Variants in PDIA6 observed in about 807,000 individuals in gnomAD.
The protein encoded by PDIA6 is protein disulfide isomerase family A member 6.
PDIA6 carries 29 observed loss-of-function variants against 58.4 expected under a neutral mutation model. The ratio of observed to expected loss-of-function variants is 0.50; its 90% CI spans 0.37 to 0.68. The LOEUF is 0.68. Among genes scored for constraint, PDIA6 ranks in the 30% least tolerant of loss-of-function variants. The probability of loss-of-function intolerance (pLI) is 0.00; values close to 1 mark genes in which losing one functional copy is unlikely to be tolerated. For synonymous variants in PDIA6, 192 were observed against 202.6 expected (o/e 0.95, Z 0.44); for missense variants, 480 against 551.0 (o/e 0.87, Z 1.29).
At chr2:10,790,282 T>A (rs1031644035) in intron 7 of PDIA6, among the ~76,000 whole-genome samples, 3 of 152,142 alleles carry the variant, frequency 2.0e-5, no homozygotes, top group African/African-American at 4.8e-5. Context: ...TATAGGTAAT[T>A]TAATGTAACA....
In PDIA6 at chr2:10,802,598, T is replaced by C; in HGVS notation, c.62A>G (p.Tyr21Cys). 2 of 1,492,530 alleles carry C rather than the reference T, an allele frequency of 1.3e-6. No individual in the cohort carries two copies. The highest frequency in any genetic ancestry group is 1.4e-5 in the South Asian group (1 of 69,294). The allele number at this position is 1,492,530 out of a possible 1,614,324, so 92.5% of individuals were successfully genotyped here. Reference protein sequence around the residue: ...CTFFLAVNGLYSSSDDVIELT... With the variant: ...CTFFLAVNGLCSSSDDVIELT... Reference sequence around the variant, plus strand: ...TTCGATCACATCATCACTAGAGGAATACAGACCATTCACTGCCAGAAAGAA... The same window carrying C: ...TTCGATCACATCATCACTAGAGGAACACAGACCATTCACTGCCAGAAAGAA... Residue 21 changes from tyrosine to cysteine, a missense_variant, in exon 2 of 13, where the codon TAT becomes TGT. Coordinates refer to ENST00000272227, the MANE Select transcript of PDIA6 (RefSeq NM_005742.4).
chr2:10,836,488 A>G (rs1667834550), upstream of PDIA6, among the ~76,000 whole-genome samples: 1 of 151,650 alleles, frequency 6.6e-6, no homozygotes, highest in Non-Finnish European at 1.5e-5. Flanking sequence ...GCTGAGATTA[A>G]AGGCATGAGC....
At chr2:10,837,452 G>A (rs1667851057), upstream of PDIA6, 8 of 661,424 alleles carry the variant, frequency 1.2e-5, no homozygotes, top group South Asian at 1.3e-4. Context: ...AAAAAAATAA[G>A]ATGAAGCCAG....
chr2:10,793,933 G>T (rs1217523144), intron 4 of PDIA6, among the ~76,000 whole-genome samples: 3 of 152,046 alleles, frequency 2.0e-5, no homozygotes, highest in Non-Finnish European at 4.4e-5. Flanking sequence ...TTTCTATCTT[G>T]CTTGAAACAG....
At position 10,826,646 on chromosome 2, in the gene PDIA6, C is replaced by T. The variant is rs201985909; in HGVS notation, c.-48+5556G>A. 3.3e-5 allele frequency among the ~76,000 whole-genome samples: 5 copies of T among 152,284 alleles called. No individual in the cohort carries two copies. The East Asian group carries it at 9.7e-4, about 29-fold the overall frequency. On this transcript the variant is annotated intron_variant, in intron 1 of 13. Transcript: ENST00000381611. ...AAGTGCTGGGATTACAGGCGTGAGC[C>T]GCTGTGCCAGGTCGAATTATACGCT...
chr2:10,821,676 G>A (rs1470042002), intron 1 of PDIA6, among the ~76,000 whole-genome samples: 1 of 152,012 alleles, frequency 6.6e-6, no homozygotes, highest in African/African-American at 2.4e-5. Context: ...CCAGACTGGA[G>A]TGCAGTGACG....
intron 4 of PDIA6, among the ~76,000 whole-genome samples, chr2:10,793,670 CTCT>C (rs1295684015): frequency 6.6e-6 from 1 of 152,148 alleles, no homozygotes; most frequent in Admixed American, 6.5e-5. Flanking sequence ...AGCCCGATTT[CTCT>C]TCTTAAGTTT....
chr2:10,790,657 T>C, intron 7 of PDIA6, 62 bp downstream of exon 7: 5 of 1,188,866 alleles, frequency 4.2e-6, no homozygotes, highest in East Asian at 2.3e-5. Context: ...GCCTGGAGTA[T>C]TGGAAGAAGT....
chr2:10,806,670 T>C (rs917724854), intron 1 of PDIA6, among the ~76,000 whole-genome samples: 1 of 105,510 alleles, frequency 9.5e-6, no homozygotes, highest in Admixed American at 9.5e-5. Flanking sequence ...TAAATTAAGG[T>C]TAATCTATTA....
At chr2:10,811,733 C>A (rs1351257927) in intron 1 of PDIA6, among the ~76,000 whole-genome samples, 1 of 152,176 alleles carries the variant, frequency 6.6e-6, no homozygotes, top group East Asian at 1.9e-4. Flanking sequence ...AGGACAGGAC[C>A]CTCGGCCTCG....
intron 1 of PDIA6, among the ~76,000 whole-genome samples, chr2:10,822,190 C>T (rs1387517294): frequency 1.3e-5 from 2 of 152,074 alleles, no homozygotes; most frequent in Admixed American, 6.6e-5. Context: ...CAGCCTACCT[C>T]GGCCTGCTAG....
rs773970649 is a variant in PDIA6 at position 10,789,909 on chromosome 2, G to A, written c.700-20C>T. On this transcript the variant is annotated intron_variant, in intron 7 of 12. Coordinates refer to ENST00000272227, the MANE Select transcript of PDIA6 (RefSeq NM_005742.4). ...TCTAATCTATTAAAAAAAGGTCAGA[G>A]GATAAAATCCAATTAACACTTAATG... 44 of 1,601,244 alleles carry A rather than the reference G, an allele frequency of 2.7e-5. No homozygotes were observed. Among genetic ancestry groups the A allele is most frequent in the Non-Finnish European group, 2.6e-6 (3 of 1,170,762 alleles).
chr2:10,797,048 CA>C, intron 4 of PDIA6, 32 bp downstream of exon 4: 1 of 1,603,594 alleles, frequency 6.2e-7, no homozygotes, highest in Non-Finnish European at 8.5e-7. Flanking sequence ...TCTTGTCTAC[CA>C]GGGGAATGAA....
At chr2:10,831,075 G>A (rs571069464) in intron 1 of PDIA6, among the ~76,000 whole-genome samples, 7 of 152,320 alleles carry the variant, frequency 4.6e-5, no homozygotes, top group Middle Eastern at 3.4e-3. Flanking sequence ...GCTTCCAGCC[G>A]CTGGTGAGAC....
chr2:10,818,623 C>T (rs545043369), intron 2 of PDIA6, among the ~76,000 whole-genome samples: 14 of 151,628 alleles, frequency 9.2e-5, no homozygotes, highest in East Asian at 1.9e-4. Context: ...TGGGTTCAAG[C>T]GATTCTCCTT....
chr2:10,813,153 G>A (rs6737184), upstream of PDIA6, among the ~76,000 whole-genome samples: 781 of 151,936 alleles, frequency 5.1e-3, 9 homozygotes, highest in African/African-American at 0.018. Flanking sequence ...TCTTTATCCC[G>A]GGGGAGCGTG....
intron 12 of PDIA6, 44 bp downstream of exon 12, chr2:10,784,890 A>T: frequency 7.3e-7 from 1 of 1,367,804 alleles, no homozygotes; most frequent in Non-Finnish European, 1.0e-6. Flanking sequence ...TCAAGAGAGT[A>T]AACCAGGACT....
In PDIA6 at chr2:10,810,900, T is replaced by C. The variant is rs940406470; in HGVS notation, c.19+1778A>G. On this transcript the variant is annotated intron_variant, in intron 1 of 12. Transcript: ENST00000272227. ...AGTGATAATGAACACCAATGGGAAA[T>C]TGGACCATCCGAGTGAGTGTCTAGA... Among the ~76,000 whole-genome samples, 27 of 152,148 alleles carry C rather than the reference T, an allele frequency of 1.8e-4. 1 individual carries two copies. The highest frequency in any genetic ancestry group is 1.5e-3 in the Admixed American group (23 of 15,274).
chr2:10,817,856 A>G (rs902449531), intron 2 of PDIA6, among the ~76,000 whole-genome samples: 4 of 152,222 alleles, frequency 2.6e-5, no homozygotes, highest in East Asian at 1.9e-4. Flanking sequence ...AGTTTTAGCC[A>G]TTGTATTTTG....
Sources: gnomAD v4.1 joint callset for allele counts (sites outside exome capture counted in the v4.1 genomes callset) on GRCh38, gnomAD v4.1.1 for gene constraint, MANE v1.5 for transcripts, NCBI Gene and HGNC (gene_info 2026-07-23, HGNC 2026-07-21) for gene names.